SKAP1: variants seen among roughly 807,000 people sequenced by gnomAD.
SKAP1 encodes the protein src kinase associated phosphoprotein 1, also known as src kinase-associated phosphoprotein 1.
In SKAP1, 44 loss-of-function variants were observed where a neutral mutation model predicts 58.5. The observed-to-expected ratio is 0.75, with a 90% CI of 0.59 to 0.97. SKAP1 has a LOEUF of 0.97. Among genes scored for constraint, SKAP1 ranks in the 50% least tolerant of loss-of-function variants. The pLI is 0.00. For synonymous variants in SKAP1, 127 were observed against 149.7 expected (o/e 0.85, Z 1.11); for missense variants, 390 against 435.2 (o/e 0.90, Z 0.92).
chr17:48,429,758 G>C (rs1461750284), intron 1 of SKAP1, among the ~76,000 whole-genome samples: 1 of 152,196 alleles, frequency 6.6e-6, no homozygotes, highest in Non-Finnish European at 1.5e-5. Context: ...GTCCTTTGGA[G>C]AAAGGGACAG....
intron 11 of SKAP1, among the ~76,000 whole-genome samples, chr17:48,156,083 A>G (rs595874): frequency 0.16 from 24,736 of 151,856 alleles, 2,078 homozygotes; most frequent in Non-Finnish European, 0.18. Flanking sequence ...ACTTTTCCCC[A>G]CTGTTGATGT....
chr17:48,259,798 A>G (rs79735468), intron 4 of SKAP1, among the ~76,000 whole-genome samples: 1 of 152,164 alleles, frequency 6.6e-6, no homozygotes, highest in Admixed American at 6.6e-5. Context: ...TGCCACCTAC[A>G]GTTTTCTTGA....
chr17:48,269,816 G>T (rs1461463853), intron 4 of SKAP1, among the ~76,000 whole-genome samples: 1 of 152,112 alleles, frequency 6.6e-6, no homozygotes, highest in Non-Finnish European at 1.5e-5. Context: ...AAATGAGGCC[G>T]GGTGCGGTGG....
chr17:48,353,379 T>C (rs895656958), intron 3 of SKAP1, among the ~76,000 whole-genome samples: 1 of 152,186 alleles, frequency 6.6e-6, no homozygotes, highest in African/African-American at 2.4e-5. Context: ...GAAAAATATA[T>C]AATGCCACAT....
At chr17:48,431,107 A>G (rs1204954216), upstream of SKAP1, among the ~76,000 whole-genome samples, 2 of 152,238 alleles carry the variant, frequency 1.3e-5, no homozygotes, top group Non-Finnish European at 2.9e-5. Flanking sequence ...TGAAAAAAGT[A>G]TAAAGTGCTA....
chr17:48,437,504 A>G, the SKAP1 span, among the ~76,000 whole-genome samples: 1 of 152,160 alleles, frequency 6.6e-6, no homozygotes, highest in African/African-American at 2.4e-5. Context: ...ACACTTTGGG[A>G]GGCCAAGGCA....
chr17:48,136,483 T>C, intron 12 of SKAP1: 1 of 152,480 alleles, frequency 6.6e-6, no homozygotes, highest in Non-Finnish European at 1.5e-5. Context: ...ACCTTCTCCT[T>C]TTATCTTTCC....
chr17:48,180,278 G>A, intron 8 of SKAP1, 30 bp from the exon 9 acceptor site: 3 of 1,458,852 alleles, frequency 2.1e-6, no homozygotes, highest in Non-Finnish European at 2.7e-6. Context: ...AATGAATCAA[G>A]AAACAGAGAA....
intron 4 of SKAP1, among the ~76,000 whole-genome samples, chr17:48,210,626 G>A (rs528339239): frequency 2.2e-3 from 336 of 152,250 alleles, no homozygotes; most frequent in Non-Finnish European, 2.9e-3. Flanking sequence ...TGTACTCACA[G>A]CAATTTTAAC....
At chr17:48,421,053 A>G (rs1253592893) in intron 1 of SKAP1, among the ~76,000 whole-genome samples, 1 of 152,148 alleles carries the variant, frequency 6.6e-6, no homozygotes, top group East Asian at 1.9e-4. Flanking sequence ...TTGACAAGGC[A>G]TGCTCTTTGA....
At chr17:48,184,129 G>A (rs930040756) in intron 7 of SKAP1, among the ~76,000 whole-genome samples, 1 of 152,222 alleles carries the variant, frequency 6.6e-6, no homozygotes. Context: ...TTTATAATGA[G>A]GTAAAGATTC....
At chr17:48,411,491 C>A (rs2067665697) in intron 1 of SKAP1, among the ~76,000 whole-genome samples, 1 of 152,132 alleles carries the variant, frequency 6.6e-6, no homozygotes, top group Non-Finnish European at 1.5e-5. Context: ...AATTTATGTA[C>A]TACTCCACTC....
intron 4 of SKAP1, among the ~76,000 whole-genome samples, chr17:48,324,646 T>G (rs1315281350): frequency 6.6e-5 from 10 of 152,110 alleles, no homozygotes; most frequent in Admixed American, 6.6e-4. Context: ...ACATATTCTG[T>G]TGCATGGTAG....
intron 4 of SKAP1, among the ~76,000 whole-genome samples, chr17:48,249,411 C>T (rs1567837787): frequency 6.6e-6 from 1 of 152,106 alleles, no homozygotes; most frequent in Non-Finnish European, 1.5e-5. Flanking sequence ...CAGTGCCTCA[C>T]ACCTGTAATT....
chr17:48,428,826 A>G (rs762147167), intron 1 of SKAP1, among the ~76,000 whole-genome samples: 5 of 152,308 alleles, frequency 3.3e-5, no homozygotes, highest in Admixed American at 1.3e-4. Flanking sequence ...CACCCAGATA[A>G]TTCTCTTTTA....
chr17:48,405,441 CTT>C (rs1214908028), intron 1 of SKAP1, among the ~76,000 whole-genome samples: 1 of 78,484 alleles, frequency 1.3e-5, no homozygotes, highest in South Asian at 4.6e-4. Flanking sequence ...TTCTTTCTTT[CTT>C]TCTTTCTTTT....
chr17:48,196,281 G>C (rs1449271773), intron 4 of SKAP1, among the ~76,000 whole-genome samples: 1 of 152,152 alleles, frequency 6.6e-6, no homozygotes, highest in Non-Finnish European at 1.5e-5. Context: ...CCTGTTTTTT[G>C]GAAGAAGAAA....
intron 4 of SKAP1, among the ~76,000 whole-genome samples, chr17:48,331,558 G>T (rs957966463): frequency 6.6e-6 from 1 of 152,092 alleles, no homozygotes; most frequent in African/African-American, 2.4e-5. Flanking sequence ...AATTAGCCGG[G>T]CGTGGTGGCG....
Position 48,254,322 on chromosome 17 carries a change from A to G in SKAP1, c.281-64822T>C, listed in dbSNP as rs550780921. 1.7e-3 allele frequency among the ~76,000 whole-genome samples: 258 copies of G among 152,304 alleles called. 2 individuals are homozygous for G. Among genetic ancestry groups the G allele is most frequent in the African/African-American group, 5.9e-3 (245 of 41,556 alleles). On this transcript the variant is annotated intron_variant, in intron 4 of 12. Transcript: ENST00000336915. ...TTTCACTCCTAATCACAAAGCTAGA[A>G]TGGAATATGCAAAATTTGCACATTA...
Sources: gnomAD v4.1 joint callset for allele counts (sites outside exome capture counted in the v4.1 genomes callset) on GRCh38, gnomAD v4.1.1 for gene constraint, MANE v1.5 for transcripts, NCBI Gene and HGNC (gene_info 2026-07-23, HGNC 2026-07-21) for gene names.